The following MALRD1 variants were observed in gnomAD, a reference collection of about 807,000 sequenced individuals.
The protein encoded by MALRD1 is MAM and LDL receptor class A domain containing 1.
MALRD1 carries 247 observed loss-of-function variants against 242.1 expected under a neutral mutation model. That is an observed-to-expected ratio of 1.02 (90% confidence interval 0.92 to 1.13). The LOEUF (loss-of-function observed/expected upper bound fraction) is 1.13, where lower values mean the gene tolerates loss of function less well. Ranked by LOEUF, MALRD1 falls within the 50% of genes most tolerant of loss-of-function variation. MALRD1 has a pLI of 0.00. For missense variants in MALRD1, 2,989 were observed against 2,533.1 expected (o/e 1.18, Z -3.86); for synonymous variants, 995 against 866.6 (o/e 1.15, Z -2.60).
At chr10:19,512,210 C>CT (rs915712582) in intron 31 of MALRD1, among the ~76,000 whole-genome samples, 49 of 152,078 alleles carry the variant, frequency 3.2e-4, no homozygotes, top group African/African-American at 1.0e-3. Context: ...TAACAAAGGG[C>CT]TTTTTTTACA....
At chr10:19,709,772 A>T (rs970341523) in intron 38 of MALRD1, among the ~76,000 whole-genome samples, 1 of 152,172 alleles carries the variant, frequency 6.6e-6, no homozygotes, top group African/African-American at 2.4e-5. Flanking sequence ...AAAGATGCCT[A>T]ATTTACAATT....
intron 38 of MALRD1, among the ~76,000 whole-genome samples, chr10:19,702,830 ATTAACC>A (rs1157771943): frequency 6.6e-6 from 1 of 152,178 alleles, no homozygotes; most frequent in Non-Finnish European, 1.5e-5. Context: ...CCCTCTCGAA[ATTAACC>A]TTAACCTTAA....
At chr10:19,575,025 A>G (rs1300691959) in intron 33 of MALRD1, among the ~76,000 whole-genome samples, 1 of 152,220 alleles carries the variant, frequency 6.6e-6, no homozygotes, top group Non-Finnish European at 1.5e-5. Context: ...GGAATGTAGT[A>G]GTGTCTACAG....
chr10:19,669,150 A>G (rs1257262507), intron 36 of MALRD1, among the ~76,000 whole-genome samples: 1 of 152,246 alleles, frequency 6.6e-6, no homozygotes, highest in African/African-American at 2.4e-5. Flanking sequence ...GGAAGATGAT[A>G]GAGTTATCTA....
chr10:19,066,927 C>T (rs897193371), intron 2 of MALRD1, 68 bp downstream of exon 2: 2 of 1,165,266 alleles, frequency 1.7e-6, no homozygotes, highest in African/African-American at 1.6e-5. Flanking sequence ...TCCCTTCCTT[C>T]TTCGTTCTTT....
intron 22 of MALRD1, among the ~76,000 whole-genome samples, chr10:19,324,859 A>C (rs972734562): frequency 6.6e-6 from 1 of 151,340 alleles, no homozygotes; most frequent in African/African-American, 2.4e-5. Context: ...TGTTATTTCT[A>C]TTGCATCCTG....
Position 19,066,852 on chromosome 10 carries a change from T to G in MALRD1, c.333T>G (p.Asp111Glu). ...CTCCATTTTATGATCACAATGGTGATGTGTCTGGTAAATGCTTTAAATTTA... is the reference window on the plus strand; with the variant it reads ...CTCCATTTTATGATCACAATGGTGAGGTGTCTGGTAAATGCTTTAAATTTA... ...LSPPFYDHNGDVSAHFLSLVS... is the reference protein window; with the variant it reads ...LSPPFYDHNGEVSAHFLSLVS... The change falls in exon 2 of 40, where the codon GAT becomes GAG. Residue 111 changes from aspartate (D) to glutamate (E), a missense_variant. Coordinates refer to ENST00000454679, the MANE Select transcript of MALRD1 (RefSeq NM_001142308.3). 1.6e-6 allele frequency: 2 copies of G among 1,233,672 alleles called. No homozygotes were observed. Among genetic ancestry groups the G allele is most frequent in the Non-Finnish European group, 2.0e-6 (2 of 988,002 alleles). 76.4% of individuals were successfully genotyped at this position (1,233,672 alleles called of 1,614,324 possible).
chr10:19,713,643 G>T (rs1280795593), intron 38 of MALRD1, among the ~76,000 whole-genome samples: 2 of 152,228 alleles, frequency 1.3e-5, no homozygotes, highest in Non-Finnish European at 2.9e-5. Flanking sequence ...TTCAACCCAA[G>T]AGATTATATG....
intron 36 of MALRD1, among the ~76,000 whole-genome samples, chr10:19,672,050 A>G (rs1424834185): frequency 6.6e-6 from 1 of 152,136 alleles, no homozygotes; most frequent in Non-Finnish European, 1.5e-5. Flanking sequence ...TACAACATGA[A>G]ATAGTTCCTA....
intron 19 of MALRD1, among the ~76,000 whole-genome samples, chr10:19,267,980 A>G (rs1381486494): frequency 6.6e-6 from 1 of 152,086 alleles, no homozygotes; most frequent in Non-Finnish European, 1.5e-5. Flanking sequence ...CTTAGAAAAT[A>G]AAATTGAACA....
chr10:19,224,444 G>A (rs541511045), intron 18 of MALRD1, among the ~76,000 whole-genome samples: 4 of 152,074 alleles, frequency 2.6e-5, no homozygotes, highest in South Asian at 2.1e-4. Context: ...ATGCCACCAC[G>A]CCTGGCTAAA....
intron 38 of MALRD1, among the ~76,000 whole-genome samples, chr10:19,705,251 C>G (rs1833810774): frequency 6.6e-6 from 1 of 152,172 alleles, no homozygotes; most frequent in African/African-American, 2.4e-5. Context: ...GAATATTTAT[C>G]CTTAGCAAAA....
rs144499832 is a variant in MALRD1 at position 19,471,200 on chromosome 10, T to C, written c.5030-20317T>C. On this transcript the variant is annotated intron_variant, in intron 29 of 39. Transcript: ENST00000454679. Reference sequence around the variant, plus strand: ...TGCTGGAGAGATTATTCTTTTTTCATTATGTATTCTTGGCACCCTTGTCCA... The same window carrying C: ...TGCTGGAGAGATTATTCTTTTTTCACTATGTATTCTTGGCACCCTTGTCCA... Among the ~76,000 whole-genome samples, 28 of 151,984 alleles carry C rather than the reference T, an allele frequency of 1.8e-4. No homozygotes were observed. The East Asian group carries it at 5.0e-3, about 27-fold the overall frequency.
chr10:19,137,021 T>G (rs1323633448), intron 10 of MALRD1, among the ~76,000 whole-genome samples: 1 of 152,218 alleles, frequency 6.6e-6, no homozygotes, highest in Non-Finnish European at 1.5e-5. Context: ...AATGAATAGT[T>G]GTGATTATTG....
chr10:19,399,165 C>T (rs191710884), intron 28 of MALRD1, among the ~76,000 whole-genome samples: 48 of 152,212 alleles, frequency 3.2e-4, no homozygotes, highest in East Asian at 1.2e-3. Flanking sequence ...CATTTGCCCA[C>T]GGAAATTTTG....
Position 19,734,321 on chromosome 10 carries a change from C to A in MALRD1, c.*84C>A. 1.8e-6 allele frequency: 2 copies of A among 1,127,014 alleles called. No homozygotes were observed. Among genetic ancestry groups the A allele is most frequent in the Non-Finnish European group, 2.5e-6 (2 of 790,390 alleles). The allele number at this position is 1,127,014 out of a possible 1,614,324, so 69.8% of individuals were successfully genotyped here. ...CAATCTGATAGAAACTCATCTTCTA[C>A]AATGGTAAAAAGAGAAAGGATTGTA... On this transcript the variant is annotated 3_prime_UTR_variant, in exon 40 of 40. Transcript: ENST00000454679.
chr10:19,199,828 A>G (rs978561252), intron 14 of MALRD1, among the ~76,000 whole-genome samples: 3 of 151,774 alleles, frequency 2.0e-5, no homozygotes, highest in African/African-American at 4.8e-5. Context: ...AAAATAAAAT[A>G]AAATAAAATA....
intron 38 of MALRD1, among the ~76,000 whole-genome samples, chr10:19,696,929 A>G (rs534098915): frequency 6.6e-6 from 1 of 152,180 alleles, no homozygotes; most frequent in African/African-American, 2.4e-5. Context: ...AAAAAAGACT[A>G]TCTTATTCAT....
chr10:19,698,897 C>T (rs1420175040), intron 38 of MALRD1, among the ~76,000 whole-genome samples: 1 of 152,132 alleles, frequency 6.6e-6, no homozygotes, highest in Non-Finnish European at 1.5e-5. Flanking sequence ...TTTGCAGGGA[C>T]ATGGGTGAAG....
Sources: allele counts gnomAD v4.1 joint callset (sites outside exome capture counted in the v4.1 genomes callset), GRCh38; gene constraint gnomAD v4.1.1; transcripts MANE v1.5; gene names NCBI Gene and HGNC (gene_info 2026-07-23, HGNC 2026-07-21).